The following PHLPP1 variants were observed in gnomAD, a reference collection of about 807,000 sequenced individuals.
The protein encoded by PHLPP1 is PH domain leucine-rich repeat-containing protein phosphatase 1.
In PHLPP1, 42 loss-of-function variants were observed where a neutral mutation model predicts 117.2. The observed-to-expected ratio is 0.36, with a 90% CI of 0.28 to 0.46. The LOEUF (loss-of-function observed/expected upper bound fraction) is 0.46, where lower values mean the gene tolerates loss of function less well. PHLPP1 is among the 20% of genes least tolerant of loss of function. The probability of loss-of-function intolerance (pLI) is 1.00; values close to 1 mark genes in which losing one functional copy is unlikely to be tolerated. For synonymous variants in PHLPP1, 1,042 were observed against 970.7 expected, an observed-to-expected ratio of 1.07 and a Z score of -1.37; for missense variants, 2,084 against 2,241.9, an observed-to-expected ratio of 0.93 and a Z score of 1.42.
intron 10 of PHLPP1, among the ~76,000 whole-genome samples, chr18:62,924,755 T>A (rs2094978197): frequency 6.7e-6 from 1 of 148,932 alleles, no homozygotes; most frequent in Admixed American, 6.8e-5. Flanking sequence ...GGAGGATCCC[T>A]TGAGCCTAGG....
At chr18:62,959,805 C>T (rs931600575) in intron 13 of PHLPP1, among the ~76,000 whole-genome samples, 1 of 152,112 alleles carries the variant, frequency 6.6e-6, no homozygotes, top group African/African-American at 2.4e-5. Flanking sequence ...TAGAATTGGC[C>T]TAATTAGTGC....
intron 1 of PHLPP1, among the ~76,000 whole-genome samples, chr18:62,730,970 G>A (rs1321985919): frequency 1.3e-5 from 2 of 152,118 alleles, no homozygotes; most frequent in African/African-American, 4.8e-5. Flanking sequence ...AAGGAAGATG[G>A]GATCTACTGT....
At chr18:62,813,407 TC>T (rs1235641963) in intron 1 of PHLPP1, among the ~76,000 whole-genome samples, 1 of 152,134 alleles carries the variant, frequency 6.6e-6, no homozygotes, top group Non-Finnish European at 1.5e-5. Context: ...TGAATCTAGT[TC>T]CTTTTGAGGA....
rs763521209 is a variant in PHLPP1 at position 62,903,056 on chromosome 18, T to C, written c.2537T>C (p.Leu846Pro). The stretch of plus-strand genomic sequence containing the variant: ...CTACGAGACAATAAGCTTGGTGATC[T>C]AGATGCTATGATTTTCAACAACATT... Reference protein sequence around the residue: ...LDLRDNKLGDLDAMIFNNIEV... With the variant: ...LDLRDNKLGDPDAMIFNNIEV... The change falls in exon 7 of 17, where the codon CTA becomes CCA. Residue 846 changes from leucine to proline, a missense_variant. This residue lies in a region of PHLPP1 where 1,365 missense variants were observed against 1,605.9 expected (regional missense o/e 0.85). Transcript: ENST00000262719. The C allele has an allele frequency of 6.2e-7, 1 of 1,613,050 alleles. No homozygotes were observed. Among genetic ancestry groups the C allele is most frequent in the Admixed American group, 1.7e-5 (1 of 60,020 alleles).
At position 62,860,521 on chromosome 18, in the gene PHLPP1, C is replaced by T. The variant is rs1172783403; in HGVS notation, c.1986C>T (p.Leu662=). ...LPANLFYSQD[L]THLNLKQNFL... is the part of the protein sequence containing the mutation. ...CCAACCTCTTCTACAGCCAAGACCT[C>T]ACTCATCTCAATTTAAAACAAAACT... Residue 662 remains leucine (L), a synonymous_variant, in exon 4 of 17, where the codon CTC becomes CTT. Coordinates refer to ENST00000262719, the MANE Select transcript of PHLPP1 (RefSeq NM_194449.4). 6.2e-7 allele frequency: 1 copy of T among 1,613,820 alleles called. No homozygotes were observed. The highest frequency in any genetic ancestry group is 2.2e-5 in the East Asian group (1 of 44,884).
At chr18:62,866,296 G>A (rs1915770135) in intron 4 of PHLPP1, among the ~76,000 whole-genome samples, 1 of 151,540 alleles carries the variant, frequency 6.6e-6, no homozygotes, top group African/African-American at 2.4e-5. Flanking sequence ...CCCAGCGGGA[G>A]TGCAATGGTG....
At chr18:62,835,453 C>T (rs1039254136) in intron 2 of PHLPP1, among the ~76,000 whole-genome samples, 1 of 152,058 alleles carries the variant, frequency 6.6e-6, no homozygotes, top group Non-Finnish European at 1.5e-5. Context: ...CTGCCTCGGC[C>T]TCCTAAAGTG....
At chr18:62,804,201 A>T (rs572901086) in intron 1 of PHLPP1, among the ~76,000 whole-genome samples, 1 of 152,258 alleles carries the variant, frequency 6.6e-6, no homozygotes, top group Non-Finnish European at 1.5e-5. Flanking sequence ...AAACCATCAG[A>T]TCTCATGAGA....
At chr18:62,730,320 G>A (rs75696181) in intron 1 of PHLPP1, among the ~76,000 whole-genome samples, 1 of 152,288 alleles carries the variant, frequency 6.6e-6, no homozygotes, top group Non-Finnish European at 1.5e-5. Flanking sequence ...ATGAATGAAA[G>A]TGTCTATGAC....
chr18:62,901,484 C>G (rs1056216286), intron 6 of PHLPP1, among the ~76,000 whole-genome samples: 5 of 152,170 alleles, frequency 3.3e-5, no homozygotes, highest in African/African-American at 1.2e-4. Context: ...TGCTGGAACT[C>G]ATCCTTGTGT....
intron 1 of PHLPP1, among the ~76,000 whole-genome samples, chr18:62,751,960 A>G (rs1042979371): frequency 1.3e-5 from 2 of 152,206 alleles, no homozygotes; most frequent in Non-Finnish European, 2.9e-5. Flanking sequence ...AATACTCAGA[A>G]AAAGCTTTTC....
intron 12 of PHLPP1, among the ~76,000 whole-genome samples, chr18:62,957,429 G>A (rs1230018153): frequency 6.6e-6 from 1 of 151,538 alleles, no homozygotes; most frequent in Non-Finnish European, 1.5e-5. Context: ...TGCCTTGAGG[G>A]TAGGATCCAT....
intron 1 of PHLPP1, among the ~76,000 whole-genome samples, chr18:62,798,365 T>A (rs894061929): frequency 6.6e-6 from 1 of 152,216 alleles, no homozygotes; most frequent in Non-Finnish European, 1.5e-5. Flanking sequence ...CTATCTTGCA[T>A]CTTTCTTAAA....
At chr18:62,966,623 A>T (rs981645810) in intron 14 of PHLPP1, among the ~76,000 whole-genome samples, 1 of 151,886 alleles carries the variant, frequency 6.6e-6, no homozygotes, top group African/African-American at 2.4e-5. Flanking sequence ...GGCGCCCGCC[A>T]CCACGCCCGG....
chr18:62,860,279 C>T (rs1263994491), intron 3 of PHLPP1, among the ~76,000 whole-genome samples, 156 bp from the exon 4 acceptor site: 3 of 152,076 alleles, frequency 2.0e-5, no homozygotes, highest in South Asian at 2.1e-4. Context: ...GGTTGGTATG[C>T]GGCACATGAC....
chr18:62,763,788 C>A lies in PHLPP1; in HGVS notation c.1576+46529C>A, dbSNP rs140377674. Reference sequence around the variant, plus strand: ...GTCTTCGTGACTTTTCCCAGTAGCACCAGAGATTTTTTTTTCTATGGGGCA... The same window carrying A: ...GTCTTCGTGACTTTTCCCAGTAGCAACAGAGATTTTTTTTTCTATGGGGCA... On this transcript the variant is annotated intron_variant, in intron 1 of 16. Coordinates refer to ENST00000262719, the MANE Select transcript of PHLPP1 (RefSeq NM_194449.4). Among the ~76,000 whole-genome samples the A allele has an allele frequency of 5.3e-3, 812 of 152,206 alleles. 16 individuals carry two copies. The highest frequency in any genetic ancestry group is 6.8e-3 in the Middle Eastern group (2 of 294).
chr18:62,843,159 A>C lies in PHLPP1; in HGVS notation c.1899+4250A>C, dbSNP rs1915094949. The C allele has an allele frequency of 5.3e-5, 8 of 152,328 alleles. No homozygotes were observed. The South Asian group carries it at 1.7e-3, about 32-fold the overall frequency. 9.4% of individuals were successfully genotyped at this position (152,328 alleles called of 1,614,324 possible). Reference sequence around the variant, plus strand: ...TTTCTTTTCTTCATATTGAGAAACAAAACATTCTCAGAATGGATAGTCTTT... The same window carrying C: ...TTTCTTTTCTTCATATTGAGAAACACAACATTCTCAGAATGGATAGTCTTT... On this transcript the variant is annotated intron_variant, in intron 3 of 16. Coordinates refer to ENST00000262719, the MANE Select transcript of PHLPP1 (RefSeq NM_194449.4).
chr18:62,864,712 T>C (rs1915727789), intron 4 of PHLPP1, among the ~76,000 whole-genome samples: 2 of 152,230 alleles, frequency 1.3e-5, no homozygotes. Context: ...ACCAAGCTGA[T>C]ATGGGGTCCC....
intron 12 of PHLPP1, among the ~76,000 whole-genome samples, chr18:62,949,905 A>G (rs1910403628): frequency 6.6e-6 from 1 of 152,236 alleles, no homozygotes; most frequent in African/African-American, 2.4e-5. Flanking sequence ...CATAGCAGTC[A>G]CATTGGTAAT....
Sources: gnomAD v4.1 joint callset for allele counts (sites outside exome capture counted in the v4.1 genomes callset) on GRCh38, gnomAD v4.1.1 for gene constraint, gnomAD v4.1.1 regional missense constraint, MANE v1.5 for transcripts, NCBI Gene and HGNC (gene_info 2026-07-23, HGNC 2026-07-21) for gene names.